ST3GAL1: variants seen among roughly 807,000 people sequenced by gnomAD.
The protein encoded by ST3GAL1 is CMP-N-acetylneuraminate-beta-galactosamide-alpha-2,3-sialyltransferase 1.
In ST3GAL1, 16 loss-of-function variants were observed where a neutral mutation model predicts 34.1. The observed-to-expected ratio is 0.47, with a 90% confidence interval of 0.32 to 0.71. The LOEUF is 0.71. Ranked by LOEUF, ST3GAL1 falls within the 30% of genes least tolerant of loss-of-function variation. ST3GAL1 has a pLI of 0.04. For synonymous variants in ST3GAL1, 191 were observed against 184.7 expected, an observed-to-expected ratio of 1.03 and a Z score of -0.28; for missense variants, 353 against 447.4, an observed-to-expected ratio of 0.79 and a Z score of 1.90.
chr8:133,500,449 G>C (rs1817112727), intron 2 of ST3GAL1, among the ~76,000 whole-genome samples: 1 of 152,212 alleles, frequency 6.6e-6, no homozygotes, highest in Admixed American at 6.5e-5. Flanking sequence ...AGCAACACCT[G>C]CTCTTTGCGT....
At chr8:133,483,438 A>G (rs1586604235) in intron 3 of ST3GAL1, among the ~76,000 whole-genome samples, 1 of 152,202 alleles carries the variant, frequency 6.6e-6, no homozygotes, top group African/African-American at 2.4e-5. Context: ...CACAGAGTAG[A>G]TGACCACAAA....
rs1207242310 is a variant in ST3GAL1, at chr8:133,463,410, T to C, written c.729+4A>G. 5.6e-6 allele frequency: 9 copies of C among 1,613,840 alleles called. No individual in the cohort carries two copies. In the South Asian group the frequency reaches 8.8e-5, roughly 16 times the overall value. ...AGAACAGAGGGGCCGGGGCCTCCAC[T>C]CACCTTATCCTGTTTCACTCTGATC... On this transcript the variant is annotated splice_donor_region_variant and intron_variant, in intron 8 of 9. Coordinates refer to ENST00000522652, the MANE Select transcript of ST3GAL1 (RefSeq NM_173344.3).
chr8:133,478,648 C>A (rs1279042539), intron 3 of ST3GAL1, among the ~76,000 whole-genome samples: 3 of 152,214 alleles, frequency 2.0e-5, no homozygotes, highest in African/African-American at 7.2e-5. Flanking sequence ...GAAAACCACC[C>A]CACCCTGCTT....
At chr8:133,499,629 C>A (rs779645473) in intron 2 of ST3GAL1, among the ~76,000 whole-genome samples, 1 of 152,166 alleles carries the variant, frequency 6.6e-6, no homozygotes, top group Non-Finnish European at 1.5e-5. Flanking sequence ...GAGAGGATGG[C>A]ACATCCTTTT....
chr8:133,484,221 G>A (rs754391278), intron 3 of ST3GAL1, among the ~76,000 whole-genome samples: 10 of 152,154 alleles, frequency 6.6e-5, no homozygotes, highest in Non-Finnish European at 1.3e-4. Context: ...GAGAGGTCTT[G>A]GGTAGGGACC....
chr8:133,480,408 C>T (rs1238358101), intron 3 of ST3GAL1, among the ~76,000 whole-genome samples: 1 of 152,172 alleles, frequency 6.6e-6, no homozygotes, highest in Non-Finnish European at 1.5e-5. Context: ...GGGTTTTGAA[C>T]CTGTAGTAAA....
At chr8:133,504,057 GT>G (rs1817261720) in intron 2 of ST3GAL1, among the ~76,000 whole-genome samples, 1 of 152,176 alleles carries the variant, frequency 6.6e-6, no homozygotes, top group South Asian at 2.1e-4. Context: ...CTGGGTTCCT[GT>G]GAAGGCTGGG....
chr8:133,532,387 G>A (rs1370620204), intron 2 of ST3GAL1, among the ~76,000 whole-genome samples: 1 of 152,078 alleles, frequency 6.6e-6, no homozygotes, highest in African/African-American at 2.4e-5. Context: ...TTGTATCTGG[G>A]AGGCGGAGGT....
chr8:133,486,947 T>C (rs1816626041), intron 3 of ST3GAL1, among the ~76,000 whole-genome samples: 1 of 152,218 alleles, frequency 6.6e-6, no homozygotes. Context: ...GTCACTTTCT[T>C]ACTTCTTTTT....
At position 133,571,586 on chromosome 8, in the gene ST3GAL1, A is replaced by G. The variant is rs1456197412; in HGVS notation, c.-582+107T>C. On this transcript the variant is annotated intron_variant, in intron 1 of 9. Coordinates refer to ENST00000522652, the MANE Select transcript of ST3GAL1 (RefSeq NM_173344.3). This position sits in a 1 kb window ranked among gnomAD's most constrained non-coding sequence, Gnocchi z 6.7. ...CCCCTTCAGTTCCCGGGTCCAGACA[A>G]TCAACCTTCCACTCCGAGAATCCAC... 6.6e-6 allele frequency: 1 copy of G among 152,290 alleles called. No individual in the cohort carries two copies. The highest frequency in any genetic ancestry group is 2.4e-5 in the African/African-American group (1 of 41,348). The allele number at this position is 152,290 out of a possible 1,614,324, so 9.4% of individuals were successfully genotyped here.
intron 5 of ST3GAL1, among the ~76,000 whole-genome samples, chr8:133,468,114 G>A (rs577530063): frequency 1.3e-5 from 2 of 152,142 alleles, no homozygotes; most frequent in Non-Finnish European, 1.5e-5. Context: ...CCACTCCTAC[G>A]TATATACCCC....
rs1431546192 is a variant in ST3GAL1, at chr8:133,475,932, G to C, written c.93C>G (p.Thr31=). 1 of 1,613,924 alleles carries C rather than the reference G, an allele frequency of 6.2e-7. No homozygotes were observed. The highest frequency in any genetic ancestry group is 8.5e-7 in the Non-Finnish European group (1 of 1,180,040). The change falls in exon 5 of 10, where the codon ACC becomes ACG. Residue 31 remains threonine (T), a synonymous_variant. Coordinates refer to ENST00000522652, the MANE Select transcript of ST3GAL1 (RefSeq NM_173344.3). ...TGGGGAACCAGGTGGTGGCCACCAT[G>C]GTGTGGGAGTAGTTCAGGAAGAAGG... The part of the protein sequence containing the change: ...LTSFFLNYSH[T]MVATTWFPKQ...
At chr8:133,528,506 T>C (rs1258432986) in intron 2 of ST3GAL1, among the ~76,000 whole-genome samples, 3 of 152,230 alleles carry the variant, frequency 2.0e-5, no homozygotes, top group African/African-American at 7.2e-5. Flanking sequence ...AACAAGTACA[T>C]TGAGCTATAC....
At chr8:133,521,837 C>T (rs766321794) in intron 2 of ST3GAL1, among the ~76,000 whole-genome samples, 10 of 152,134 alleles carry the variant, frequency 6.6e-5, no homozygotes, top group Non-Finnish European at 1.5e-4. Context: ...TATATGTTAA[C>T]CTAGAGGAAC....
chr8:133,546,938 G>A (rs749596174), intron 1 of ST3GAL1, among the ~76,000 whole-genome samples: 17 of 151,680 alleles, frequency 1.1e-4, no homozygotes, highest in Admixed American at 2.0e-4. Flanking sequence ...CCTGAGAGAC[G>A]AGGTTGCAGT....
intron 3 of ST3GAL1, among the ~76,000 whole-genome samples, chr8:133,492,024 G>A (rs1324387356): frequency 1.3e-5 from 2 of 152,168 alleles, no homozygotes; most frequent in Non-Finnish European, 1.5e-5. Flanking sequence ...GAGCATATGG[G>A]CAAGGATCGG....
rs565374920 is a variant in ST3GAL1, at chr8:133,556,591, C to G, written c.-581-10665G>C. ...CTAATGAAGGCTGCATAACTATGTACTTTCGAACAAGATTTTTAGGATGAA... is the reference window on the plus strand; with the variant it reads ...CTAATGAAGGCTGCATAACTATGTAGTTTCGAACAAGATTTTTAGGATGAA... On this transcript the variant is annotated intron_variant, in intron 1 of 9. Transcript: ENST00000522652. The surrounding 1 kb of genome is among the most constrained non-coding windows in gnomAD (Gnocchi z 8.9). Among the ~76,000 whole-genome samples, 5 of 152,088 alleles carry G rather than the reference C, an allele frequency of 3.3e-5. No homozygotes were observed. The East Asian group carries it at 9.7e-4, about 29-fold the overall frequency.
chr8:133,554,686 G>A (rs1818954559), intron 1 of ST3GAL1, among the ~76,000 whole-genome samples: 5 of 151,454 alleles, frequency 3.3e-5, no homozygotes, highest in Admixed American at 1.3e-4. Flanking sequence ...CTAAGTGCTG[G>A]TCCAGCCATC....
In ST3GAL1 at chr8:133,556,012, G is replaced by A. The variant is rs980397215; in HGVS notation, c.-581-10086C>T. On this transcript the variant is annotated intron_variant, in intron 1 of 9. Transcript: ENST00000522652. The surrounding 1 kb of genome is among the most constrained non-coding windows in gnomAD (Gnocchi z 8.9). Reference sequence around the variant, plus strand: ...AAGTTCAAGCAATTCTCGTGCCTCAGCCTCCCGCGTAGCTGGGATTACAGG... The same window carrying A: ...AAGTTCAAGCAATTCTCGTGCCTCAACCTCCCGCGTAGCTGGGATTACAGG... Among the ~76,000 whole-genome samples, 6 of 152,172 alleles carry A rather than the reference G, an allele frequency of 3.9e-5. No homozygotes were observed. The highest frequency in any genetic ancestry group is 8.8e-5 in the Non-Finnish European group (6 of 68,038).
Sources: allele counts gnomAD v4.1 joint callset (sites outside exome capture counted in the v4.1 genomes callset), GRCh38; gene constraint gnomAD v4.1.1; non-coding constraint Gnocchi (gnomAD v3.1); transcripts MANE v1.5; gene names NCBI Gene and HGNC (gene_info 2026-07-23, HGNC 2026-07-21).